CYP4F22: variants seen among roughly 807,000 people sequenced by gnomAD.
CYP4F22 encodes the protein ultra-long-chain fatty acid omega-hydroxylase.
In CYP4F22, 37 loss-of-function variants were observed where a neutral mutation model predicts 60.4. The observed-to-expected ratio is 0.61, with a 90% CI of 0.47 to 0.81. The LOEUF (loss-of-function observed/expected upper bound fraction) is 0.81, where lower values mean the gene tolerates loss of function less well. Among genes scored for constraint, CYP4F22 ranks in the 30% least tolerant of loss-of-function variants. The pLI, the probability that CYP4F22 is intolerant of heterozygous loss-of-function variation, is 0.00. For synonymous variants in CYP4F22, 258 were observed against 280.5 expected (o/e 0.92, Z 0.80); for missense variants, 655 against 715.0 (o/e 0.92, Z 0.96).
chr19:15,510,637 C>G lies in CYP4F22; in HGVS notation c.-109+2054C>G, dbSNP rs8107297. Among the ~76,000 whole-genome samples the G allele has an allele frequency of 3.0e-3, 460 of 152,222 alleles. 4 individuals are homozygous for G. The highest frequency in any genetic ancestry group is 0.01 in the African/African-American group (434 of 41,526). ...TAGATTATTAGTGGTTTTAAAACTT[C>G]TTTTTCTGCCAGGATCCCCTTTGGG... On this transcript the variant is annotated intron_variant, in intron 1 of 13. Transcript: ENST00000269703.
Position 15,537,571 on chromosome 19 carries a change from G to A in CYP4F22, c.458G>A (p.Ser153Asn), listed in dbSNP as rs146036982. The A allele has an allele frequency of 1.2e-6, 2 of 1,614,176 alleles. No homozygotes were observed. Among genetic ancestry groups the A allele is most frequent in the Non-Finnish European group, 1.7e-6 (2 of 1,180,052 alleles). ...CTGCTCAGCAAAGGTGACAAGTGGAGCCGGCACCGTCGCCTGCTGACACCC... is the reference window on the plus strand; with the variant it reads ...CTGCTCAGCAAAGGTGACAAGTGGAACCGGCACCGTCGCCTGCTGACACCC... ...GLLLSKGDKW[S>N]RHRRLLTPAF... Residue 153 changes from serine (S) to asparagine (N), a missense_variant, in exon 6 of 14, where the codon AGC becomes AAC. By Grantham distance (46) the Ser-to-Asn change is conservative. Coordinates refer to ENST00000269703, the MANE Select transcript of CYP4F22 (RefSeq NM_173483.4).
chr19:15,525,684 A>G, intron 3 of CYP4F22, 126 bp downstream of exon 3: 2 of 917,248 alleles, frequency 2.2e-6, no homozygotes, highest in Non-Finnish European at 3.3e-6. Flanking sequence ...CAGCAGATTT[A>G]TATGATGGGG....
Position 15,510,966 on chromosome 19 carries a change from A to ATTTTTT in CYP4F22, c.-109+2395_-109+2400dup, listed in dbSNP as rs1555726127. ...ATACCATATATATATATATATATAT[A>ATTTTTT]TTTTTTTTTTTTTTTTTGAGATGGA... On this transcript the variant is annotated intron_variant, in intron 1 of 13. Coordinates refer to ENST00000269703, the MANE Select transcript of CYP4F22 (RefSeq NM_173483.4). 5.2e-3 allele frequency among the ~76,000 whole-genome samples: 540 copies of ATTTTTT among 103,282 alleles called. 24 individuals are homozygous for ATTTTTT. Among genetic ancestry groups the ATTTTTT allele is most frequent in the African/African-American group, 0.024 (514 of 21,744 alleles). The allele number at this position is 103,282 out of a possible 152,430, so 67.8% of individuals were successfully genotyped here. A position where few individuals can be genotyped will look rare whatever the true frequency, so the allele number is the denominator to read the frequency against.
rs1971410839 is a variant in CYP4F22 at position 15,537,554 on chromosome 19, C to A, written c.441C>A (p.Ser147Arg). Residue 147 changes from serine (S) to arginine (R), a missense_variant, in exon 6 of 14, where the codon AGC becomes AGA. By Grantham distance (110) the Ser-to-Arg change is moderately radical. This residue lies in a region of CYP4F22 where 430 missense variants were observed against 457.1 expected (regional missense o/e 0.94). Coordinates refer to ENST00000269703, the MANE Select transcript of CYP4F22 (RefSeq NM_173483.4). ...KPWLGDGLLLSKGDKWSRHRR... is the reference protein window; with the variant it reads ...KPWLGDGLLLRKGDKWSRHRR... ...GCCCAGGGGATGGGCTGCTGCTCAGCAAAGGTGACAAGTGGAGCCGGCACC... is the reference window on the plus strand; with the variant it reads ...GCCCAGGGGATGGGCTGCTGCTCAGAAAAGGTGACAAGTGGAGCCGGCACC... 6.2e-7 allele frequency: 1 copy of A among 1,614,046 alleles called. No individual in the cohort carries two copies. The highest frequency in any genetic ancestry group is 1.3e-5 in the African/African-American group (1 of 74,926).
At chr19:15,534,097 T>C (rs1317134767) in intron 4 of CYP4F22, among the ~76,000 whole-genome samples, 1 of 152,244 alleles carries the variant, frequency 6.6e-6, no homozygotes, top group Admixed American at 6.5e-5. Context: ...CACAAGTTCT[T>C]GATGCCAATA....
intron 8 of CYP4F22, among the ~76,000 whole-genome samples, chr19:15,542,182 T>A (rs568181845): frequency 4.6e-5 from 7 of 152,310 alleles, no homozygotes; most frequent in African/African-American, 1.7e-4. Context: ...GTTGACTTTC[T>A]GTCCCTCTTT....
intron 1 of CYP4F22, among the ~76,000 whole-genome samples, chr19:15,519,945 G>A (rs1171736446): frequency 6.6e-6 from 1 of 152,170 alleles, no homozygotes; most frequent in African/African-American, 2.4e-5. Context: ...TGAGGACCAG[G>A]CCACATAGCC....
chr19:15,510,044 T>A (rs770452501), intron 1 of CYP4F22, among the ~76,000 whole-genome samples: 4 of 151,744 alleles, frequency 2.6e-5, no homozygotes, highest in Non-Finnish European at 5.9e-5. Flanking sequence ...TGCAGTGGCA[T>A]AATCATAGCT....
chr19:15,521,699 C>T (rs1971227564), intron 1 of CYP4F22, among the ~76,000 whole-genome samples: 1 of 152,076 alleles, frequency 6.6e-6, no homozygotes, highest in Non-Finnish European at 1.5e-5. Context: ...GATACAGGAT[C>T]TCCCTATGTC....
At chr19:15,518,261 C>G (rs536612204) in intron 1 of CYP4F22, among the ~76,000 whole-genome samples, 3 of 152,062 alleles carry the variant, frequency 2.0e-5, no homozygotes, top group African/African-American at 7.2e-5. Context: ...CTCTGGAGCT[C>G]AAGAGTTTGT....
intron 2 of CYP4F22, among the ~76,000 whole-genome samples, chr19:15,524,575 G>A (rs891946204): frequency 6.6e-6 from 1 of 151,578 alleles, no homozygotes; most frequent in African/African-American, 2.4e-5. Flanking sequence ...TGCTTGAGCT[G>A]GGGAGGTTAA....
rs778728418 is a variant in CYP4F22 at position 15,537,348 on chromosome 19, T to C, written c.368-13T>C. ...TCTGTTTTGAGTCACCATTTTCCCTTTGCCCTCCACAGCTGCCATCGCCCC... is the reference window on the plus strand; with the variant it reads ...TCTGTTTTGAGTCACCATTTTCCCTCTGCCCTCCACAGCTGCCATCGCCCC... On this transcript the variant is annotated splice_polypyrimidine_tract_variant and intron_variant, in intron 4 of 13. Coordinates refer to ENST00000269703, the MANE Select transcript of CYP4F22 (RefSeq NM_173483.4). The C allele has an allele frequency of 8.1e-5, 130 of 1,613,938 alleles. No individual in the cohort carries two copies. The highest frequency in any genetic ancestry group is 1.1e-4 in the Non-Finnish European group (125 of 1,180,014).
Position 15,514,137 on chromosome 19 carries a change from C to T in CYP4F22, c.-109+5554C>T, listed in dbSNP as rs549928387. On this transcript the variant is annotated intron_variant, in intron 1 of 13. Coordinates refer to ENST00000269703, the MANE Select transcript of CYP4F22 (RefSeq NM_173483.4). ...AAATGATCATCTAAAGTTTAAAATT[C>T]CTAAATTGTCCAATTTATACAACTG... Among the ~76,000 whole-genome samples the T allele has an allele frequency of 2.6e-5, 4 of 152,166 alleles. No individual in the cohort carries two copies. In the East Asian group the frequency reaches 7.7e-4, roughly 29 times the overall value.
chr19:15,542,542 A>T (rs8109781), intron 8 of CYP4F22, among the ~76,000 whole-genome samples: 104,265 of 151,816 alleles, frequency 0.69, 36,378 homozygotes, highest in East Asian at 0.89. Context: ...ATCTCAAAAA[A>T]TTTTTTTTTA....
intron 1 of CYP4F22, among the ~76,000 whole-genome samples, chr19:15,523,358 C>T (rs887103587): frequency 2.6e-5 from 4 of 152,038 alleles, no homozygotes; most frequent in African/African-American, 9.7e-5. Flanking sequence ...AAGACTCTGT[C>T]TCCAAACAAA....
intron 1 of CYP4F22, chr19:15,515,531 C>T: frequency 1.6e-6 from 1 of 620,612 alleles, no homozygotes; most frequent in Admixed American, 1.9e-5. Flanking sequence ...TCAAGACCAG[C>T]CTGGCCAATA....
chr19:15,537,704 G>T lies in CYP4F22; in HGVS notation c.549+42G>T, dbSNP rs534242787. On this transcript the variant is annotated intron_variant, in intron 6 of 13. Transcript: ENST00000269703. ...TGAGGGAAGAGGGTGTCTTGGGAGT[G>T]AGGCTGGTCCAGGCTCCAACTCATG... 3.4e-5 allele frequency: 54 copies of T among 1,608,058 alleles called. 1 individual carries two copies. In the South Asian group the frequency reaches 5.9e-4, roughly 18 times the overall value.
chr19:15,521,231 CTTTT>C (rs58365952), intron 1 of CYP4F22, among the ~76,000 whole-genome samples: 3 of 110,182 alleles, frequency 2.7e-5, no homozygotes, highest in Non-Finnish European at 3.8e-5. Context: ...TTACTTCCAC[CTTTT>C]TTTTTTTTTT....
intron 4 of CYP4F22, among the ~76,000 whole-genome samples, chr19:15,535,916 G>A (rs1033717617): frequency 1.3e-5 from 2 of 152,220 alleles, no homozygotes; most frequent in Admixed American, 6.5e-5. Context: ...GTGACTGCTG[G>A]GTCAGGGGTG....
Sources: gnomAD v4.1 joint callset for allele counts (sites outside exome capture counted in the v4.1 genomes callset) on GRCh38, gnomAD v4.1.1 for gene constraint, gnomAD v4.1.1 regional missense constraint, MANE v1.5 for transcripts, NCBI Gene and HGNC (gene_info 2026-07-23, HGNC 2026-07-21) for gene names.